Variants in GRIP1 observed in about 807,000 individuals in gnomAD.
GRIP1 encodes the protein glutamate receptor interacting protein 1.
Under a neutral mutation model 129.9 loss-of-function variants are expected in GRIP1, and 45 were observed. That is an observed-to-expected ratio of 0.35 (90% CI 0.27 to 0.44). GRIP1 has a LOEUF of 0.44. GRIP1 is among the 20% of genes least tolerant of loss of function. GRIP1 has a pLI of 1.00. For missense variants in GRIP1, 1,196 were observed against 1,396.8 expected (o/e 0.86, Z 2.29); for synonymous variants, 530 against 520.8 (o/e 1.02, Z -0.24).
At chr12:66,641,037 G>T (rs553267542) in intron 1 of GRIP1, among the ~76,000 whole-genome samples, 1 of 152,288 alleles carries the variant, frequency 6.6e-6, no homozygotes, top group Admixed American at 6.5e-5. Flanking sequence ...TATGCTAGAG[G>T]AGGCTGAGTA....
At position 66,392,313 on chromosome 12, in the gene GRIP1, G is replaced by C. The variant is rs749768786; in HGVS notation, c.2459C>G (p.Thr820Ser). 1 of 1,592,954 alleles carries C rather than the reference G, an allele frequency of 6.3e-7. No homozygotes were observed. The highest frequency in any genetic ancestry group is 8.6e-7 in the Non-Finnish European group (1 of 1,160,546). Reference protein sequence around the residue: ...DGSAIDTSYGTQGTSFQASGY... With the variant: ...DGSAIDTSYGSQGTSFQASGY... ...GGGACAAAGTAAAGACATACCTTGA[G>C]TTCCATAGCTGGTGTCTATTGCAGA... Residue 820 changes from threonine (T) to serine (S), a missense_variant, in exon 19 of 25, where the codon ACT becomes AGT. Coordinates refer to ENST00000359742, the MANE Select transcript of GRIP1 (RefSeq NM_001366722.1).
chr12:66,965,991 C>A (rs1356019845), intron 1 of GRIP1, among the ~76,000 whole-genome samples: 1 of 152,134 alleles, frequency 6.6e-6, no homozygotes, highest in Non-Finnish European at 1.5e-5. Context: ...GATGGTTCTT[C>A]TTTACTTTCC....
chr12:66,350,034 T>C (rs958408161), intron 24 of GRIP1, among the ~76,000 whole-genome samples: 2 of 152,052 alleles, frequency 1.3e-5, no homozygotes, highest in African/African-American at 4.8e-5. Flanking sequence ...TCCAGGAATG[T>C]TCTGGAGTTT....
At chr12:66,595,378 G>A (rs1456248426) in intron 2 of GRIP1, among the ~76,000 whole-genome samples, 1 of 152,154 alleles carries the variant, frequency 6.6e-6, no homozygotes, top group Admixed American at 6.5e-5. Context: ...TTAGAATGTG[G>A]CATTAGAGAA....
Position 67,039,675 on chromosome 12 carries a change from C to G in GRIP1, c.58+29375G>C, listed in dbSNP as rs374407827. Among the ~76,000 whole-genome samples, 84 of 152,164 alleles carry G rather than the reference C, an allele frequency of 5.5e-4. 2 individuals carry two copies. The South Asian group carries it at 0.017, about 31-fold the overall frequency. ...CTTCATAAAGACACCTACTCAGAACCCTAGCTGCCTGAAACATTATGAGGA... is the reference window on the plus strand; with the variant it reads ...CTTCATAAAGACACCTACTCAGAACGCTAGCTGCCTGAAACATTATGAGGA... On this transcript the variant is annotated intron_variant, in intron 1 of 1. Coordinates refer to the GRIP1 transcript ENST00000643019.
At chr12:67,001,804 C>G (rs1226113728) in intron 1 of GRIP1, among the ~76,000 whole-genome samples, 2 of 152,086 alleles carry the variant, frequency 1.3e-5, no homozygotes, top group Admixed American at 6.6e-5. Flanking sequence ...TCATAGACAC[C>G]CTTGGCTTTT....
chr12:66,417,309 T>C (rs771435503), intron 15 of GRIP1, among the ~76,000 whole-genome samples: 1 of 152,120 alleles, frequency 6.6e-6, no homozygotes, highest in Non-Finnish European at 1.5e-5. Context: ...ATAAAAGCCA[T>C]ATACAACAGA....
In GRIP1 at chr12:66,432,561, T is replaced by G; in HGVS notation, c.1755A>C (p.Gly585=). 1 of 1,585,934 alleles carries G rather than the reference T, an allele frequency of 6.3e-7. No homozygotes were observed. The highest frequency in any genetic ancestry group is 2.2e-5 in the East Asian group (1 of 44,718). Residue 585 remains glycine (G), a synonymous_variant, in exon 14 of 25, where the codon GGA becomes GGC. Transcript: ENST00000359742. The stretch of plus-strand genomic sequence containing the variant: ...ACTTCTACTTACAACTTATGGTTAT[T>G]CCAAGTTCCACATTGTGCTTCTTAG... ...KLPKKHNVEL[G]ITISSPSSRK...
At chr12:67,042,557 T>C (rs551175152) in intron 1 of GRIP1, among the ~76,000 whole-genome samples, 1 of 152,330 alleles carries the variant, frequency 6.6e-6, no homozygotes, top group South Asian at 2.1e-4. Context: ...TCTTAACTTG[T>C]TCATGTCTTA....
intron 1 of GRIP1, among the ~76,000 whole-genome samples, chr12:66,870,526 C>G (rs1440796604): frequency 1.3e-5 from 2 of 152,222 alleles, no homozygotes; most frequent in African/African-American, 4.8e-5. Flanking sequence ...AAAGCTTAAA[C>G]TGTTAGACTG....
chr12:66,467,399 C>T (rs144835360), intron 7 of GRIP1, among the ~76,000 whole-genome samples: 25 of 152,280 alleles, frequency 1.6e-4, no homozygotes, highest in African/African-American at 5.8e-4. Flanking sequence ...CTCCTTCTCC[C>T]TCATTTGCTG....
chr12:66,760,696 AGAAATACTTCT>A (rs1318122287), intron 1 of GRIP1, among the ~76,000 whole-genome samples: 1 of 152,208 alleles, frequency 6.6e-6, no homozygotes, highest in African/African-American at 2.4e-5. Flanking sequence ...CCCTATCACA[AGAAATACTTCT>A]GAAAACAGAA....
intron 2 of GRIP1, among the ~76,000 whole-genome samples, chr12:66,552,553 T>C (rs2139322968): frequency 6.6e-6 from 1 of 152,322 alleles, no homozygotes; most frequent in Non-Finnish European, 1.5e-5. Flanking sequence ...GAACTTCATG[T>C]CTATTTTACG....
chr12:66,744,552 A>G (rs767143343), intron 1 of GRIP1, among the ~76,000 whole-genome samples: 1 of 152,130 alleles, frequency 6.6e-6, no homozygotes, highest in Non-Finnish European at 1.5e-5. Flanking sequence ...TTTGAATAAT[A>G]GTTCCTGATT....
At chr12:66,672,599 T>A (rs1001375335) in intron 1 of GRIP1, among the ~76,000 whole-genome samples, 1 of 152,028 alleles carries the variant, frequency 6.6e-6, no homozygotes, top group Admixed American at 6.6e-5. Flanking sequence ...ATTTTAAATT[T>A]AACATAATTC....
At chr12:66,723,283 C>CCTTCCTTT (rs2036136784) in intron 1 of GRIP1, among the ~76,000 whole-genome samples, 1 of 29,634 alleles carries the variant, frequency 3.4e-5, no homozygotes, top group African/African-American at 1.5e-4. Flanking sequence ...TTCCTTCCTT[C>CCTTCCTTT]CTTTCTTTCT....
In GRIP1 at chr12:66,348,192, A is replaced by T. The variant is rs1352081601; in HGVS notation, c.*827T>A. 1 of 152,236 alleles carries T rather than the reference A, an allele frequency of 6.6e-6. No homozygotes were observed. Among genetic ancestry groups the T allele is most frequent in the Admixed American group, 6.5e-5 (1 of 15,284 alleles). The allele number at this position is 152,236 out of a possible 1,614,324, so 9.4% of individuals were successfully genotyped here. On this transcript the variant is annotated 3_prime_UTR_variant, in exon 25 of 25. Coordinates refer to ENST00000359742, the MANE Select transcript of GRIP1 (RefSeq NM_001366722.1). ...GCAGTATGAGTTTGGTTTGCCTATC[A>T]TTAAGATGAACCTCATTTTAATAGA...
intron 22 of GRIP1, among the ~76,000 whole-genome samples, chr12:66,375,957 G>A (rs2055764983): frequency 6.6e-6 from 1 of 152,218 alleles, no homozygotes; most frequent in Admixed American, 6.5e-5. Context: ...TACTCAGTTT[G>A]GGCTACTTTT....
At chr12:66,369,316 C>CTTTTT (rs202170346) in intron 23 of GRIP1, among the ~76,000 whole-genome samples, 5 of 125,870 alleles carry the variant, frequency 4.0e-5, no homozygotes, top group Admixed American at 1.6e-4. Flanking sequence ...GTGGATGATA[C>CTTTTT]TTTTTTTTTC....
Sources: allele counts gnomAD v4.1 joint callset (sites outside exome capture counted in the v4.1 genomes callset), GRCh38; gene constraint gnomAD v4.1.1; transcripts MANE v1.5; gene names NCBI Gene and HGNC (gene_info 2026-07-23, HGNC 2026-07-21).